Variants in STXBP4 observed in about 807,000 individuals in gnomAD.
STXBP4 encodes the protein syntaxin binding protein 4, also known as syntaxin-binding protein 4.
A neutral mutation model predicts 76.1 loss-of-function variants in STXBP4; 55 were observed. The ratio of observed to expected loss-of-function variants is 0.72; its 90% CI spans 0.58 to 0.91. The LOEUF is 0.91. Ranked by LOEUF, STXBP4 falls within the 40% of genes least tolerant of loss-of-function variation. The pLI, the probability that STXBP4 is intolerant of heterozygous loss-of-function variation, is 0.00. For synonymous variants in STXBP4, 201 were observed against 220.2 expected (o/e 0.91, Z 0.77); for missense variants, 618 against 636.9 (o/e 0.97, Z 0.32).
intron 1 of STXBP4, among the ~76,000 whole-genome samples, chr17:54,981,419 A>C (rs1692237966): frequency 6.6e-6 from 1 of 152,044 alleles, no homozygotes; most frequent in South Asian, 2.1e-4. Context: ...AAATTACAGA[A>C]GTAGACCCAA....
At chr17:55,072,792 T>C (rs2144873329) in intron 12 of STXBP4, 108 bp from the exon 13 acceptor site, 1 of 805,482 alleles carries the variant, frequency 1.2e-6, no homozygotes. Flanking sequence ...AATATATGTA[T>C]ATTGACTTTT....
intron 15 of STXBP4, among the ~76,000 whole-genome samples, chr17:55,080,698 T>C (rs943822997): frequency 6.6e-6 from 1 of 152,100 alleles, no homozygotes; most frequent in African/African-American, 2.4e-5. Context: ...CATGTTTATA[T>C]GCTTAATTTG....
At chr17:55,038,221 G>A (rs1050133665) in intron 10 of STXBP4, among the ~76,000 whole-genome samples, 5 of 151,996 alleles carry the variant, frequency 3.3e-5, no homozygotes, top group Admixed American at 6.6e-5. Context: ...TACAAAAAGT[G>A]TACAATTTGA....
At chr17:55,115,929 G>T (rs2079775522) in intron 16 of STXBP4, among the ~76,000 whole-genome samples, 1 of 151,822 alleles carries the variant, frequency 6.6e-6, no homozygotes, top group Admixed American at 6.6e-5. Context: ...TTTAACCATG[G>T]TTGGAAATGA....
rs139393375 is a variant in STXBP4 at position 55,103,765 on chromosome 17, C to A, written c.1489+22582C>A. Among the ~76,000 whole-genome samples the A allele has an allele frequency of 4.2e-3, 634 of 152,290 alleles. 5 individuals carry two copies. Among genetic ancestry groups the A allele is most frequent in the African/African-American group, 0.014 (600 of 41,552 alleles). On this transcript the variant is annotated intron_variant, in intron 16 of 17. Coordinates refer to ENST00000376352, the MANE Select transcript of STXBP4 (RefSeq NM_178509.6). ...CAGTATTGATTCTCCTATCCATGAG[C>A]ATGGAATGTTTTTCCATTTGTTTGT...
chr17:54,996,228 G>A (rs2077799768), intron 4 of STXBP4, among the ~76,000 whole-genome samples: 1 of 149,878 alleles, frequency 6.7e-6, no homozygotes, highest in African/African-American at 2.5e-5. Flanking sequence ...TTGCAGAGAA[G>A]TGGCAGGGTG....
the STXBP4 span, among the ~76,000 whole-genome samples, chr17:55,185,695 AG>A: frequency 6.6e-6 from 1 of 152,166 alleles, no homozygotes; most frequent in East Asian, 1.9e-4. Context: ...GTGACATCTG[AG>A]GACAACTACT....
intron 4 of STXBP4, 116 bp downstream of exon 4, chr17:54,991,073 A>G (rs2077709835): frequency 2.6e-6 from 3 of 1,168,684 alleles, no homozygotes; most frequent in Non-Finnish European, 2.3e-6. Context: ...ACCTCAGTGA[A>G]AAATACAAAG....
chr17:55,195,312 C>G, the STXBP4 span, among the ~76,000 whole-genome samples: 2,136 of 152,292 alleles, frequency 0.014, 19 homozygotes, highest in Admixed American at 0.022. Context: ...AGTTCAAAAC[C>G]CTCTACCTCC....
intron 8 of STXBP4, among the ~76,000 whole-genome samples, chr17:55,013,430 A>G (rs535583816): frequency 1.3e-5 from 2 of 152,224 alleles, no homozygotes; most frequent in African/African-American, 2.4e-5. Context: ...CTATTTTGCC[A>G]TACCTGGGAA....
At chr17:55,024,204 C>T (rs912372556) in intron 8 of STXBP4, among the ~76,000 whole-genome samples, 4 of 152,160 alleles carry the variant, frequency 2.6e-5, no homozygotes, top group African/African-American at 4.8e-5. Context: ...GGGATTGTAA[C>T]TTTAGAGAAC....
chr17:55,024,367 G>A (rs1010543909), intron 8 of STXBP4, among the ~76,000 whole-genome samples: 5 of 152,172 alleles, frequency 3.3e-5, no homozygotes, highest in African/African-American at 1.2e-4. Flanking sequence ...TCTCTTCCTT[G>A]TCAGCCGGTG....
intron 16 of STXBP4, among the ~76,000 whole-genome samples, chr17:55,084,689 T>A (rs113477198): frequency 0.03 from 4,605 of 152,140 alleles, 106 homozygotes; most frequent in Non-Finnish European, 0.049. Context: ...CAGTTTCAGC[T>A]TTCTACATAT....
At chr17:55,139,417 C>G (rs2080070291) in intron 16 of STXBP4, among the ~76,000 whole-genome samples, 1 of 152,126 alleles carries the variant, frequency 6.6e-6, no homozygotes, top group Admixed American at 6.6e-5. Flanking sequence ...TAACTTCCTA[C>G]TTAACTTTTA....
intron 17 of STXBP4, among the ~76,000 whole-genome samples, chr17:55,149,316 G>A (rs769031543): frequency 3.9e-5 from 6 of 151,964 alleles, no homozygotes; most frequent in South Asian, 2.1e-4. Context: ...GGCAGTCTGC[G>A]GAAGCAATTG....
intron 1 of STXBP4, among the ~76,000 whole-genome samples, chr17:54,983,418 A>T (rs1173517094): frequency 6.6e-6 from 1 of 152,196 alleles, no homozygotes. Flanking sequence ...TCCAGTTAGA[A>T]CAACTCACCA....
At chr17:55,043,635 G>A (rs2078740783) in intron 11 of STXBP4, 1 of 1,549,546 alleles carries the variant, frequency 6.5e-7, no homozygotes, top group Admixed American at 2.0e-5. Context: ...ATTAGATGAA[G>A]AGCCAATAAA....
rs1373138542 is a variant in STXBP4, at chr17:55,017,988, C to T, written c.666+10391C>T. On this transcript the variant is annotated intron_variant, in intron 8 of 17. Transcript: ENST00000376352. ...ACTGCTTTGGAGGTCCCTTCGTGGT[C>T]GCCAAAATGTTACTGGGGGTCCTTG... Among the ~76,000 whole-genome samples, 6 of 152,160 alleles carry T rather than the reference C, an allele frequency of 3.9e-5. No homozygotes were observed. In the South Asian group the frequency reaches 6.2e-4, roughly 16 times the overall value.
chr17:54,997,677 C>T (rs2077834436), intron 4 of STXBP4, among the ~76,000 whole-genome samples: 1 of 147,874 alleles, frequency 6.8e-6, no homozygotes, highest in Non-Finnish European at 1.5e-5. Flanking sequence ...TAGTCATGAC[C>T]TTGACCTCCT....
Sources: allele counts gnomAD v4.1 joint callset (sites outside exome capture counted in the v4.1 genomes callset), GRCh38; gene constraint gnomAD v4.1.1; transcripts MANE v1.5; gene names NCBI Gene and HGNC (gene_info 2026-07-23, HGNC 2026-07-21).